Variants in C17orf67 observed in about 807,000 individuals in gnomAD.
C17orf67 encodes the protein chromosome 17 open reading frame 67, also known as uncharacterized protein C17orf67.
A neutral mutation model predicts 11.2 loss-of-function variants in C17orf67; 12 were observed. The ratio of observed to expected loss-of-function variants is 1.07; its 90% CI spans 0.68 to 1.73. C17orf67 has a LOEUF of 1.73. Ranked by LOEUF, C17orf67 falls within the 40% of genes most tolerant of loss-of-function variation. The pLI is 0.00. For missense variants in C17orf67, 115 were observed against 113.5 expected (o/e 1.01, Z -0.06); for synonymous variants, 59 against 46.9 (o/e 1.26, Z -1.05).
At chr17:56,800,344 C>T (rs1183968104) in intron 6 of C17orf67, among the ~76,000 whole-genome samples, 4 of 152,304 alleles carry the variant, frequency 2.6e-5, no homozygotes, top group African/African-American at 9.6e-5. Flanking sequence ...GGATTACAGG[C>T]GTGAGCCACT....
rs201696668 is a variant in C17orf67 at position 56,815,927 on chromosome 17, G to A, written c.-117C>T. The A allele has an allele frequency of 6.4e-7, 1 of 1,558,976 alleles. No individual in the cohort carries two copies. Among genetic ancestry groups the A allele is most frequent in the Non-Finnish European group, 8.7e-7 (1 of 1,146,706 alleles). On this transcript the variant is annotated 5_prime_UTR_variant, in exon 5 of 8. Transcript: ENST00000397861. ...TATGCTTTGACTAACGGGACTTACG[G>A]TATGATGCTGAATGTATCTGACTCT...
Position 56,815,919 on chromosome 17 carries a change from G to T in C17orf67, c.-109C>A. 6.3e-7 allele frequency: 1 copy of T among 1,580,632 alleles called. No individual in the cohort carries two copies. The highest frequency in any genetic ancestry group is 8.6e-7 in the Non-Finnish European group (1 of 1,160,412). On this transcript the variant is annotated 5_prime_UTR_variant, in exon 5 of 8. Coordinates refer to ENST00000397861, the MANE Select transcript of C17orf67 (RefSeq NM_001085430.4). ...CGCTTGTTTATGCTTTGACTAACGG[G>T]ACTTACGGTATGATGCTGAATGTAT...
At chr17:56,794,985 G>T in intron 7 of C17orf67, 59 bp downstream of exon 7, 1 of 1,252,668 alleles carries the variant, frequency 8.0e-7, no homozygotes, top group Non-Finnish European at 1.2e-6. Flanking sequence ...CCCAGCCCAT[G>T]CCATGCTGTC....
rs1455842335 is a variant in C17orf67 at position 56,833,108 on chromosome 17, C to G, written c.-767G>C. ...AACAAGTGGTCCTCGGCTCCCACTCCTATGTATGTATGTAGTAGGAAGGAA... is the reference window on the plus strand; with the variant it reads ...AACAAGTGGTCCTCGGCTCCCACTCGTATGTATGTATGTAGTAGGAAGGAA... On this transcript the variant is annotated 5_prime_UTR_variant, in exon 2 of 8. Coordinates refer to ENST00000397861, the MANE Select transcript of C17orf67 (RefSeq NM_001085430.4). 1 of 152,258 alleles carries G rather than the reference C, an allele frequency of 6.6e-6. No homozygotes were observed. The highest frequency in any genetic ancestry group is 1.5e-5 in the Non-Finnish European group (1 of 68,068). The allele number at this position is 152,258 out of a possible 1,614,324, so 9.4% of individuals were successfully genotyped here.
chr17:56,825,944 A>AGTGTGTGAGT (rs1906015796), intron 2 of C17orf67, among the ~76,000 whole-genome samples: 1 of 90,186 alleles, frequency 1.1e-5, no homozygotes, highest in Admixed American at 1.3e-4. Flanking sequence ...GAAACCTGTG[A>AGTGTGTGAGT]GTGTGTGTGT....
rs1368571680 is a variant in C17orf67 at position 56,795,107 on chromosome 17, T to C, written c.230A>G (p.His77Arg). 6.2e-7 allele frequency: 1 copy of C among 1,613,984 alleles called. No individual in the cohort carries two copies. The highest frequency in any genetic ancestry group is 8.5e-7 in the Non-Finnish European group (1 of 1,180,010). ...GTTCCTGTCACAGTGGGGTTTGCAG[T>C]GAGGGTTCAGCCAGTGCTCCAGGAA... is the stretch of plus-strand genomic sequence containing the variant. ...EQFLEHWLNP[H>R]CKPHCDRNRI... The change falls in exon 7 of 8, where the codon CAC becomes CGC. Residue 77 changes from histidine (H) to arginine (R), a missense_variant. Transcript: ENST00000397861.
rs554161478 is a variant in C17orf67, at chr17:56,795,183, G to A, written c.157-3C>T. On this transcript the variant is annotated splice_polypyrimidine_tract_variant and splice_region_variant and intron_variant, in intron 6 of 7. Coordinates refer to ENST00000397861, the MANE Select transcript of C17orf67 (RefSeq NM_001085430.4). ...GCGAGCAGGTGGTGCATGTATTCCT[G>A]TCAAAACAAACCACACTGAAGAAGG... 1.9e-6 allele frequency: 3 copies of A among 1,613,656 alleles called. No homozygotes were observed. Among genetic ancestry groups the A allele is most frequent in the African/African-American group, 2.7e-5 (2 of 75,026 alleles).
At chr17:56,826,971 G>T (rs997802506) in intron 2 of C17orf67, among the ~76,000 whole-genome samples, 1 of 152,200 alleles carries the variant, frequency 6.6e-6, no homozygotes, top group South Asian at 2.1e-4. Flanking sequence ...GTTTTGACAG[G>T]CCTGGCGCTC....
intron 6 of C17orf67, among the ~76,000 whole-genome samples, chr17:56,800,832 C>T (rs1232849299): frequency 6.6e-6 from 1 of 152,176 alleles, no homozygotes; most frequent in Non-Finnish European, 1.5e-5. Context: ...CTTCATTGGC[C>T]TGCCTCATAC....
chr17:56,816,602 C>T (rs568719215), intron 4 of C17orf67, among the ~76,000 whole-genome samples: 25 of 152,292 alleles, frequency 1.6e-4, no homozygotes, highest in Non-Finnish European at 2.2e-4. Context: ...GTAGAGCCTA[C>T]GTCTTCTGTC....
chr17:56,807,728 A>T (rs1398621265), intron 6 of C17orf67, among the ~76,000 whole-genome samples: 3 of 151,776 alleles, frequency 2.0e-5, no homozygotes, highest in Non-Finnish European at 4.4e-5. Context: ...CTCTGTCAGG[A>T]TCTTGAGCCT....
intron 4 of C17orf67, among the ~76,000 whole-genome samples, chr17:56,817,068 T>C (rs1397621666): frequency 6.6e-6 from 1 of 151,998 alleles, no homozygotes; most frequent in Non-Finnish European, 1.5e-5. Flanking sequence ...TTTGACCAGG[T>C]TGGTTTCAAA....
chr17:56,823,518 T>C (rs117554387), intron 4 of C17orf67, among the ~76,000 whole-genome samples: 8,366 of 152,184 alleles, frequency 0.055, 279 homozygotes, highest in Admixed American at 0.1. Flanking sequence ...AACAAGATGC[T>C]GTAAAAAAGG....
rs1905222511 is a variant in C17orf67, at chr17:56,796,811, AC to A, written c.157-1632del. On this transcript the variant is annotated intron_variant, in intron 6 of 7. Coordinates refer to ENST00000397861, the MANE Select transcript of C17orf67 (RefSeq NM_001085430.4). ...CACCCCTGCGTGTTGCATTCCTCCC[AC>A]CCCATGCCTCCTCCCTCCCCCATCC... 7.4e-5 allele frequency among the ~76,000 whole-genome samples: 7 copies of A among 94,040 alleles called. No homozygotes were observed. The South Asian group carries it at 2.3e-3, about 31-fold the overall frequency. The allele number at this position is 94,040 out of a possible 152,430, so 61.7% of individuals were successfully genotyped here. A position where few individuals can be genotyped will look rare whatever the true frequency, so the allele number is the denominator to read the frequency against.
At chr17:56,808,027 C>G (rs1905499059) in intron 6 of C17orf67, among the ~76,000 whole-genome samples, 1 of 152,142 alleles carries the variant, frequency 6.6e-6, no homozygotes, top group Non-Finnish European at 1.5e-5. Context: ...GGAGAGGGTT[C>G]ATCCCATTCC....
intron 6 of C17orf67, among the ~76,000 whole-genome samples, chr17:56,809,615 GCACACACACCCA>G (rs1386053756): frequency 4.9e-5 from 4 of 82,394 alleles, no homozygotes; most frequent in Non-Finnish European, 9.4e-5. Context: ...ACCCTCACGC[GCACACACACCCA>G]CACACACACC....
chr17:56,830,400 AAAGT>A (rs1332270540), intron 2 of C17orf67, among the ~76,000 whole-genome samples: 9 of 152,076 alleles, frequency 5.9e-5, no homozygotes, highest in Admixed American at 5.9e-4. Flanking sequence ...ATTTTGGGAT[AAAGT>A]AAAAGGGAAT....
At chr17:56,815,019 T>G (rs367927542) in intron 5 of C17orf67, 50 bp from the exon 6 acceptor site, 1 of 1,486,942 alleles carries the variant, frequency 6.7e-7, no homozygotes, top group Non-Finnish European at 9.4e-7. Flanking sequence ...CAGGAGTTCA[T>G]GAGCCATCTC....
chr17:56,820,767 CTTTTTTTTTT>C (rs746734939), intron 4 of C17orf67, among the ~76,000 whole-genome samples: 3 of 122,512 alleles, frequency 2.4e-5, no homozygotes, highest in Non-Finnish European at 3.4e-5. Context: ...GTGAGTTTCC[CTTTTTTTTTT>C]TTTTTTTTTT....
Sources: allele counts gnomAD v4.1 joint callset (sites outside exome capture counted in the v4.1 genomes callset), GRCh38; gene constraint gnomAD v4.1.1; transcripts MANE v1.5; gene names NCBI Gene and HGNC (gene_info 2026-07-23, HGNC 2026-07-21).